Variants in FBXL17 observed in about 807,000 individuals in gnomAD.
The protein encoded by FBXL17 is F-box and leucine rich repeat protein 17.
A neutral mutation model predicts 66.2 loss-of-function variants in FBXL17; 22 were observed. That is an observed-to-expected ratio of 0.33 (90% confidence interval 0.24 to 0.47). FBXL17 has a LOEUF of 0.47. Ranked by LOEUF, FBXL17 falls within the 20% of genes least tolerant of loss-of-function variation. The probability of loss-of-function intolerance (pLI) is 1.00; values close to 1 mark genes in which losing one functional copy is unlikely to be tolerated. For missense variants in FBXL17, 878 were observed against 948.2 expected, an observed-to-expected ratio of 0.93 and a Z score of 0.97; for synonymous variants, 474 against 400.5, an observed-to-expected ratio of 1.18 and a Z score of -2.19.
intron 4 of FBXL17, among the ~76,000 whole-genome samples, chr5:108,249,510 T>C (rs1049668238): frequency 1.1e-4 from 16 of 152,162 alleles, no homozygotes; most frequent in African/African-American, 3.9e-4. Context: ...CGCACATTGA[T>C]GATAAATTAA....
At chr5:108,101,516 C>T (rs933680785) in intron 6 of FBXL17, among the ~76,000 whole-genome samples, 23 of 152,372 alleles carry the variant, frequency 1.5e-4, no homozygotes, top group Non-Finnish European at 2.8e-4. Context: ...AATACAGTCA[C>T]TGGCAATGTC....
In FBXL17 at chr5:107,980,664, A is replaced by ATTTTTTTT. The variant is rs57472813; in HGVS notation, c.1822+40253_1822+40260dup. On this transcript the variant is annotated intron_variant, in intron 7 of 8. Transcript: ENST00000542267. The stretch of plus-strand genomic sequence containing the variant: ...TAAAATAATATATATATATATATAT[A>ATTTTTTTT]TTTTTTTTTTGAGATGGAGTCTTGC... 1.0e-3 allele frequency among the ~76,000 whole-genome samples: 64 copies of ATTTTTTTT among 61,754 alleles called. 4 individuals are homozygous for ATTTTTTTT. The highest frequency in any genetic ancestry group is 2.1e-3 in the African/African-American group (20 of 9,738). The allele number at this position is 61,754 out of a possible 152,430, so 40.5% of individuals were successfully genotyped here.
chr5:107,979,913 G>T (rs943713243), intron 7 of FBXL17, among the ~76,000 whole-genome samples: 13 of 152,090 alleles, frequency 8.5e-5, no homozygotes, highest in Non-Finnish European at 1.2e-4. Context: ...AGAGATTTAA[G>T]AAATAAATAA....
chr5:108,208,407 A>G (rs771162486), intron 5 of FBXL17, among the ~76,000 whole-genome samples: 2 of 152,090 alleles, frequency 1.3e-5, no homozygotes, highest in Non-Finnish European at 2.9e-5. Flanking sequence ...CCTGAATGGT[A>G]TTGCCCAGGT....
intron 7 of FBXL17, among the ~76,000 whole-genome samples, chr5:107,912,674 G>A (rs904403287): frequency 6.6e-6 from 1 of 152,112 alleles, no homozygotes; most frequent in African/African-American, 2.4e-5. Flanking sequence ...TGACCACTAC[G>A]AAAGTGTTTT....
intron 5 of FBXL17, among the ~76,000 whole-genome samples, chr5:108,221,611 T>C (rs1423158777): frequency 2.6e-5 from 4 of 152,180 alleles, no homozygotes; most frequent in Non-Finnish European, 4.4e-5. Context: ...TTTAGGCTGA[T>C]AACTCTTAAC....
At chr5:108,188,633 C>T (rs181401045) in intron 5 of FBXL17, among the ~76,000 whole-genome samples, 1 of 152,160 alleles carries the variant, frequency 6.6e-6, no homozygotes, top group African/African-American at 2.4e-5. Context: ...CTTGTTAAAA[C>T]AGACCTTTCT....
chr5:107,958,713 T>G (rs201207727), intron 7 of FBXL17, among the ~76,000 whole-genome samples: 1 of 152,200 alleles, frequency 6.6e-6, no homozygotes, highest in Non-Finnish European at 1.5e-5. Flanking sequence ...TTCCAGTCCC[T>G]GCCTTTTCCC....
chr5:108,175,864 AAATT>A (rs1156835952), intron 6 of FBXL17, among the ~76,000 whole-genome samples: 18 of 152,226 alleles, frequency 1.2e-4, no homozygotes, highest in Admixed American at 7.9e-4. Context: ...CCCTTGCACT[AAATT>A]AATAACTAAT....
intron 4 of FBXL17, among the ~76,000 whole-genome samples, chr5:108,224,526 T>C (rs2150076737): frequency 8.1e-6 from 1 of 123,642 alleles, no homozygotes; most frequent in South Asian, 3.1e-4. Context: ...TATGTATATG[T>C]ATACACACAC....
At chr5:108,223,663 T>C (rs986429816) in intron 5 of FBXL17, among the ~76,000 whole-genome samples, 2 of 152,194 alleles carry the variant, frequency 1.3e-5, no homozygotes, top group African/African-American at 2.4e-5. Flanking sequence ...ATAATTGTTA[T>C]ATTATTGAAC....
chr5:108,202,804 C>A (rs955110530), intron 5 of FBXL17, among the ~76,000 whole-genome samples: 1 of 152,126 alleles, frequency 6.6e-6, no homozygotes, highest in Admixed American at 6.6e-5. Context: ...CTGCAGGTAA[C>A]TGACACCTGG....
intron 7 of FBXL17, among the ~76,000 whole-genome samples, chr5:107,981,282 T>C (rs1198859043): frequency 6.6e-6 from 1 of 152,202 alleles, no homozygotes; most frequent in Non-Finnish European, 1.5e-5. Context: ...TGGATCCTGT[T>C]CAAAGCTAAA....
At chr5:107,998,243 C>T (rs1753560439) in intron 7 of FBXL17, among the ~76,000 whole-genome samples, 1 of 152,094 alleles carries the variant, frequency 6.6e-6, no homozygotes, top group South Asian at 2.1e-4. Context: ...GCTACTAGAA[C>T]ATTTTAAATT....
At chr5:108,220,729 T>A (rs879404479) in intron 5 of FBXL17, among the ~76,000 whole-genome samples, 8 of 152,186 alleles carry the variant, frequency 5.3e-5, no homozygotes, top group Non-Finnish European at 1.2e-4. Flanking sequence ...TTCCTTCTAG[T>A]CTCTTTAGTG....
chr5:107,983,479 C>A (rs183009099), intron 7 of FBXL17, among the ~76,000 whole-genome samples: 1 of 151,908 alleles, frequency 6.6e-6, no homozygotes, highest in Admixed American at 6.6e-5. Context: ...CAGGCATGAG[C>A]CACTGGGCCC....
intron 6 of FBXL17, among the ~76,000 whole-genome samples, chr5:108,144,029 T>C (rs1041563997): frequency 2.0e-5 from 3 of 151,898 alleles, no homozygotes; most frequent in Non-Finnish European, 2.9e-5. Flanking sequence ...AAAAATACAA[T>C]AGCAACTCAC....
intron 7 of FBXL17, among the ~76,000 whole-genome samples, chr5:107,887,839 C>G (rs1352372698): frequency 1.3e-5 from 2 of 152,164 alleles, no homozygotes; most frequent in African/African-American, 4.8e-5. Flanking sequence ...TTCTGTGATC[C>G]TGATGTGCAG....
intron 7 of FBXL17, among the ~76,000 whole-genome samples, chr5:107,917,543 A>C (rs1323888422): frequency 6.6e-6 from 1 of 152,226 alleles, no homozygotes; most frequent in Non-Finnish European, 1.5e-5. Flanking sequence ...TAAGCACAGA[A>C]CCGAATAAAC....
Sources: gnomAD v4.1 joint callset for allele counts (sites outside exome capture counted in the v4.1 genomes callset) on GRCh38, gnomAD v4.1.1 for gene constraint, MANE v1.5 for transcripts, NCBI Gene and HGNC (gene_info 2026-07-23, HGNC 2026-07-21) for gene names.